Variants in THSD4 observed in about 807,000 individuals in gnomAD.
THSD4 encodes thrombospondin type-1 domain-containing protein 4.
A neutral mutation model predicts 119.0 loss-of-function variants in THSD4; 69 were observed. The ratio of observed to expected loss-of-function variants is 0.58; its 90% CI spans 0.48 to 0.71. THSD4 has a LOEUF of 0.71. Ranked by LOEUF, THSD4 falls within the 30% of genes least tolerant of loss-of-function variation. THSD4 has a pLI of 0.00. For synonymous variants in THSD4, 524 were observed against 540.4 expected (o/e 0.97, Z 0.42); for missense variants, 1,393 against 1,391.1 (o/e 1.00, Z -0.02).
At chr15:71,562,644 T>G (rs1265388430) in intron 7 of THSD4, among the ~76,000 whole-genome samples, 3 of 151,770 alleles carry the variant, frequency 2.0e-5, no homozygotes, top group African/African-American at 7.3e-5. Context: ...TCCTGCTTCA[T>G]GCCTATTCTA....
intron 7 of THSD4, among the ~76,000 whole-genome samples, chr15:71,558,501 T>C (rs1216761856): frequency 6.6e-6 from 1 of 152,204 alleles, no homozygotes; most frequent in Non-Finnish European, 1.5e-5. Context: ...TGTTTTGTTT[T>C]AAGACAGAGT....
intron 7 of THSD4, among the ~76,000 whole-genome samples, chr15:71,572,477 G>A (rs965236010): frequency 6.6e-6 from 1 of 152,170 alleles, no homozygotes; most frequent in African/African-American, 2.4e-5. Flanking sequence ...GAACTGCACT[G>A]CATGCTGGAA....
chr15:71,107,953 C>G (rs566433402), intron 1 of THSD4, among the ~76,000 whole-genome samples: 1 of 152,282 alleles, frequency 6.6e-6, no homozygotes, highest in South Asian at 2.1e-4. Context: ...TTATTTTTTC[C>G]TGAATCACTG....
At chr15:71,742,435 C>T (rs1008006242) in intron 11 of THSD4, among the ~76,000 whole-genome samples, 2 of 152,238 alleles carry the variant, frequency 1.3e-5, no homozygotes, top group African/African-American at 4.8e-5. Context: ...TAATGTCCCA[C>T]TGACCTCTAC....
intron 7 of THSD4, among the ~76,000 whole-genome samples, chr15:71,472,109 G>A (rs2047588961): frequency 6.6e-6 from 1 of 152,150 alleles, no homozygotes; most frequent in East Asian, 1.9e-4. Context: ...TAGAGACAGG[G>A]CCTCCCTATG....
intron 6 of THSD4, among the ~76,000 whole-genome samples, chr15:71,326,700 A>AAAAAAAATATATATAT (rs1555464320): frequency 1.5e-4 from 1 of 6,454 alleles, no homozygotes; most frequent in Non-Finnish European, 3.6e-4. Context: ...AAAAAAAAAA[A>AAAAAAAATATATATAT]ATATATATAT....
intron 3 of THSD4, among the ~76,000 whole-genome samples, chr15:71,188,485 G>A (rs2043635514): frequency 6.6e-6 from 1 of 152,078 alleles, no homozygotes; most frequent in Admixed American, 6.5e-5. Context: ...TAGAGATACT[G>A]GTGTGAAATA....
intron 7 of THSD4, among the ~76,000 whole-genome samples, chr15:71,624,738 A>G (rs1215813692): frequency 2.0e-5 from 3 of 152,118 alleles, no homozygotes; most frequent in Non-Finnish European, 4.4e-5. Context: ...TCCAACTCAT[A>G]TGGTGGCATG....
intron 8 of THSD4, among the ~76,000 whole-genome samples, chr15:71,715,598 T>C (rs2052591598): frequency 6.8e-6 from 1 of 146,430 alleles, no homozygotes; most frequent in South Asian, 2.2e-4. Context: ...TGTGTGTGTA[T>C]GTGTTTGTGT....
intron 7 of THSD4, among the ~76,000 whole-genome samples, chr15:71,616,655 G>A (rs925743240): frequency 7.9e-5 from 12 of 152,344 alleles, no homozygotes; most frequent in African/African-American, 2.6e-4. Context: ...TCAATCCACT[G>A]TGAGGAAGCA....
At chr15:71,657,039 C>T (rs535842314) in intron 7 of THSD4, among the ~76,000 whole-genome samples, 1 of 152,282 alleles carries the variant, frequency 6.6e-6, no homozygotes, top group South Asian at 2.1e-4. Flanking sequence ...ATCCTCCAGA[C>T]TTTATGTACC....
Position 71,735,454 on chromosome 15 carries a change from C to A in THSD4, c.1631-2278C>A, listed in dbSNP as rs2053065679. 2.7e-5 allele frequency among the ~76,000 whole-genome samples: 4 copies of A among 149,932 alleles called. No individual in the cohort carries two copies. The South Asian group carries it at 8.8e-4, about 33-fold the overall frequency. ...AAAACCTCTCTCTCTCTTTCTCACT[C>A]TCTCTCTCTCTCTCTCTTTCTCACT... On this transcript the variant is annotated intron_variant, in intron 10 of 17. Transcript: ENST00000261862.
intron 7 of THSD4, among the ~76,000 whole-genome samples, chr15:71,457,702 G>A (rs1050457169): frequency 3.9e-5 from 6 of 152,178 alleles, no homozygotes; most frequent in Non-Finnish European, 8.8e-5. Context: ...CTTCTGTTCA[G>A]AGGGTCATCT....
chr15:71,422,681 C>T (rs955512443), intron 7 of THSD4, among the ~76,000 whole-genome samples: 6 of 152,134 alleles, frequency 3.9e-5, no homozygotes, highest in Non-Finnish European at 8.8e-5. Context: ...CCTGCCATAG[C>T]CACTGCCTGG....
At chr15:71,618,173 T>C (rs1047672334) in intron 7 of THSD4, among the ~76,000 whole-genome samples, 2 of 152,246 alleles carry the variant, frequency 1.3e-5, no homozygotes, top group African/African-American at 4.8e-5. Context: ...AAAAATTCTC[T>C]GTTAACCTAA....
intron 3 of THSD4, among the ~76,000 whole-genome samples, chr15:71,197,493 C>T (rs969952561): frequency 1.3e-5 from 2 of 152,208 alleles, no homozygotes; most frequent in Non-Finnish European, 2.9e-5. Flanking sequence ...TCCAACAGTG[C>T]TCCCTTTCAC....
intron 7 of THSD4, among the ~76,000 whole-genome samples, chr15:71,455,240 TAGA>T (rs1318893709): frequency 6.6e-6 from 1 of 152,234 alleles, no homozygotes; most frequent in Non-Finnish European, 1.5e-5. Context: ...CCCTTGAGGC[TAGA>T]AGGTTTTCAT....
Position 71,180,142 on chromosome 15 carries a change from TAA to T in THSD4, c.99+25219_99+25220del, listed in dbSNP as rs71152334. 9.9e-5 allele frequency among the ~76,000 whole-genome samples: 12 copies of T among 120,646 alleles called. No homozygotes were observed. The South Asian group carries it at 1.9e-3, about 19-fold the overall frequency. The allele number at this position is 120,646 out of a possible 152,430, so 79.1% of individuals were successfully genotyped here. Reference sequence around the variant, plus strand: ...ATGTACCCTAAAACTTAGAGTATAATAAAAAAAAAACATTAAAAAAAAAAAAA... The same window carrying T: ...ATGTACCCTAAAACTTAGAGTATAATAAAAAAAACATTAAAAAAAAAAAAA... On this transcript the variant is annotated intron_variant, in intron 3 of 17. Coordinates refer to ENST00000261862, the MANE Select transcript of THSD4 (RefSeq NM_024817.3).
At chr15:71,103,650 G>C (rs888352285) in intron 1 of THSD4, among the ~76,000 whole-genome samples, 1 of 152,026 alleles carries the variant, frequency 6.6e-6, no homozygotes, top group African/African-American at 2.4e-5. Context: ...TGCTCCTCCA[G>C]TCAAACAGAA....
Sources: gnomAD v4.1 joint callset for allele counts (sites outside exome capture counted in the v4.1 genomes callset) on GRCh38, gnomAD v4.1.1 for gene constraint, MANE v1.5 for transcripts, NCBI Gene and HGNC (gene_info 2026-07-23, HGNC 2026-07-21) for gene names.